Variants in RIMS2 observed in about 807,000 individuals in gnomAD.
The protein encoded by RIMS2 is regulating synaptic membrane exocytosis protein 2.
Under a neutral mutation model 174.4 loss-of-function variants are expected in RIMS2, and 59 were observed. The ratio of observed to expected loss-of-function variants is 0.34; its 90% confidence interval spans 0.27 to 0.42. The LOEUF is 0.42. Ranked by LOEUF, RIMS2 falls within the 10% of genes least tolerant of loss-of-function variation. The probability of loss-of-function intolerance (pLI) is 1.00; values close to 1 mark genes in which losing one functional copy is unlikely to be tolerated. For missense variants in RIMS2, 1,620 were observed against 1,666.3 expected (o/e 0.97, Z 0.48); for synonymous variants, 606 against 572.5 (o/e 1.06, Z -0.84).
At chr8:103,508,849 G>A (rs921538649) in intron 1 of RIMS2, among the ~76,000 whole-genome samples, 1 of 152,024 alleles carries the variant, frequency 6.6e-6, no homozygotes, top group African/African-American at 2.4e-5. Flanking sequence ...AAATTGAGGA[G>A]CCAAAATTGC....
chr8:104,189,650 T>C (rs1442679845), intron 19 of RIMS2, among the ~76,000 whole-genome samples: 5 of 149,294 alleles, frequency 3.3e-5, no homozygotes, highest in African/African-American at 1.2e-4. Flanking sequence ...TCTAAATATA[T>C]ATTCCAAATG....
At chr8:104,158,579 T>C (rs1166067572) in intron 19 of RIMS2, among the ~76,000 whole-genome samples, 1 of 152,220 alleles carries the variant, frequency 6.6e-6, no homozygotes, top group Non-Finnish European at 1.5e-5. Context: ...GACTTTTTAA[T>C]GATTGCCATT....
intron 19 of RIMS2, among the ~76,000 whole-genome samples, chr8:104,048,611 G>C (rs1198500514): frequency 1.3e-5 from 2 of 152,102 alleles, no homozygotes; most frequent in Non-Finnish European, 2.9e-5. Flanking sequence ...AGCATTATTT[G>C]TAACAATAAA....
At chr8:104,023,900 G>A (rs905460024) in intron 19 of RIMS2, among the ~76,000 whole-genome samples, 18 of 152,126 alleles carry the variant, frequency 1.2e-4, no homozygotes, top group African/African-American at 3.6e-4. Flanking sequence ...TGGGAGAAGA[G>A]GGACAAGTTA....
chr8:104,123,535 C>T (rs1430350576), intron 19 of RIMS2, among the ~76,000 whole-genome samples: 2 of 151,616 alleles, frequency 1.3e-5, no homozygotes, highest in African/African-American at 4.8e-5. Flanking sequence ...GCTAATACAA[C>T]AGTAGACTTT....
chr8:104,025,473 G>A (rs992279213), intron 19 of RIMS2, among the ~76,000 whole-genome samples: 20 of 152,138 alleles, frequency 1.3e-4, no homozygotes, highest in Non-Finnish European at 2.6e-4. Flanking sequence ...GGTGACAGAG[G>A]GTGACTCTGT....
chr8:104,164,964 A>G (rs564536316), intron 19 of RIMS2, among the ~76,000 whole-genome samples: 23 of 152,320 alleles, frequency 1.5e-4, no homozygotes, highest in African/African-American at 5.5e-4. Flanking sequence ...AACTTAAAAT[A>G]CAAGTTAAAA....
intron 12 of RIMS2, among the ~76,000 whole-genome samples, chr8:103,934,630 T>C (rs2080800501): frequency 6.6e-6 from 1 of 152,170 alleles, no homozygotes; most frequent in Non-Finnish European, 1.5e-5. Context: ...CTGAGAACTT[T>C]TTTCTGTCCT....
At chr8:103,912,604 T>G (rs2075889814) in intron 6 of RIMS2, among the ~76,000 whole-genome samples, 1 of 152,154 alleles carries the variant, frequency 6.6e-6, no homozygotes, top group Admixed American at 6.5e-5. Flanking sequence ...TAATTTTGTA[T>G]AAATGCTGTA....
chr8:104,178,313 G>A (rs2098917871), intron 19 of RIMS2, among the ~76,000 whole-genome samples: 1 of 152,136 alleles, frequency 6.6e-6, no homozygotes, highest in Admixed American at 6.5e-5. Context: ...CCTGTAAGCT[G>A]AGGGTCATTG....
rs1299526553 is a variant in RIMS2 at position 104,063,886 on chromosome 8, T to C, written c.3334+49271T>C. On this transcript the variant is annotated intron_variant, in intron 19 of 23. Transcript: ENST00000504942. Reference sequence around the variant, plus strand: ...CATGCTCATGCTCTTTCAGTCTCTCTCTCTGTCTTTGTGTCAGGAGTGTGT... The same window carrying C: ...CATGCTCATGCTCTTTCAGTCTCTCCCTCTGTCTTTGTGTCAGGAGTGTGT... Among the ~76,000 whole-genome samples the C allele has an allele frequency of 2.6e-5, 4 of 152,172 alleles. No individual in the cohort carries two copies. The South Asian group carries it at 8.3e-4, about 31-fold the overall frequency.
chr8:103,605,262 TG>T (rs2094995390), intron 1 of RIMS2, among the ~76,000 whole-genome samples: 1 of 140,828 alleles, frequency 7.1e-6, no homozygotes, highest in Admixed American at 7.2e-5. Flanking sequence ...GATAATCATG[TG>T]GTTTTTGTCT....
At position 104,223,805 on chromosome 8, in the gene RIMS2, C is replaced by A. The variant is rs1458653711; in HGVS notation, c.3335-21111C>A. The stretch of plus-strand genomic sequence containing the variant: ...GGAGGAAGAAGGAGGTGAGACACCC[C>A]TTCCCCCGTAGTTGGTGTCTCTATC... On this transcript the variant is annotated intron_variant, in intron 19 of 23. Coordinates refer to ENST00000504942, the Ensembl canonical transcript of RIMS2. The A allele has an allele frequency of 5.7e-6, 9 of 1,592,680 alleles. 1 individual carries two copies. In the South Asian group the frequency reaches 1.0e-4, roughly 18 times the overall value.
intron 1 of RIMS2, among the ~76,000 whole-genome samples, chr8:103,663,170 CAA>C (rs34790575): frequency 3.6e-5 from 5 of 139,568 alleles, no homozygotes; most frequent in Non-Finnish European, 3.1e-5. Context: ...GATTCTGTCT[CAA>C]AAAAAAAAAA....
intron 19 of RIMS2, among the ~76,000 whole-genome samples, chr8:104,241,159 C>G (rs541494368): frequency 6.6e-6 from 1 of 152,170 alleles, no homozygotes; most frequent in Non-Finnish European, 1.5e-5. Context: ...AGCATTAGCA[C>G]AGTAAAATCT....
At chr8:103,577,179 G>A (rs141167233) in intron 1 of RIMS2, among the ~76,000 whole-genome samples, 1,734 of 152,198 alleles carry the variant, frequency 0.011, 18 homozygotes, top group Non-Finnish European at 0.02. Flanking sequence ...ATATCCATCT[G>A]ACAAAGGGCT....
At chr8:104,205,460 CAT>C (rs1381700626) in intron 19 of RIMS2, among the ~76,000 whole-genome samples, 1 of 151,442 alleles carries the variant, frequency 6.6e-6, no homozygotes, top group Non-Finnish European at 1.5e-5. Flanking sequence ...ACAACTAACA[CAT>C]AGACACTTCA....
rs181068993 is a variant in RIMS2 at position 104,177,526 on chromosome 8, A to G, written c.3335-67390A>G. On this transcript the variant is annotated intron_variant, in intron 19 of 23. Transcript: ENST00000504942. ...TATGAAGTGCTACTGAAAAATTTTC[A>G]TAACATAAACAATTACAAAAGTAAA... 5.4e-4 allele frequency among the ~76,000 whole-genome samples: 83 copies of G among 152,344 alleles called. No individual in the cohort carries two copies. In the East Asian group the frequency reaches 0.013, roughly 23 times the overall value.
At chr8:103,792,935 A>T (rs999317068) in intron 3 of RIMS2, among the ~76,000 whole-genome samples, 102 of 152,194 alleles carry the variant, frequency 6.7e-4, no homozygotes, top group African/African-American at 2.5e-3. Context: ...TTGAGGCAAT[A>T]ATTAATAGCC....
Sources: gnomAD v4.1 joint callset for allele counts (sites outside exome capture counted in the v4.1 genomes callset) on GRCh38, gnomAD v4.1.1 for gene constraint, MANE v1.5 for transcripts, NCBI Gene and HGNC (gene_info 2026-07-23, HGNC 2026-07-21) for gene names.